Variants in LACTB2 observed in about 807,000 individuals in gnomAD.
The protein encoded by LACTB2 is lactamase beta 2.
Under a neutral mutation model 34.8 loss-of-function variants are expected in LACTB2, and 32 were observed. That is an observed-to-expected ratio of 0.92 (90% confidence interval 0.69 to 1.24). The LOEUF is 1.24. Ranked by LOEUF, LACTB2 falls within the 50% of genes most tolerant of loss-of-function variation. The pLI is 0.00. For synonymous variants in LACTB2, 120 were observed against 117.5 expected (o/e 1.02, Z -0.14); for missense variants, 320 against 345.0 (o/e 0.93, Z 0.57).
intron 2 of LACTB2, among the ~76,000 whole-genome samples, chr8:70,658,870 C>CA (rs1406022006): frequency 1.3e-5 from 2 of 151,936 alleles, no homozygotes; most frequent in African/African-American, 2.4e-5. Context: ...ACTAAACATA[C>CA]AAAAAAATTA....
At chr8:70,666,344 A>G (rs1449445078) in intron 1 of LACTB2, among the ~76,000 whole-genome samples, 3 of 152,220 alleles carry the variant, frequency 2.0e-5, no homozygotes, top group Non-Finnish European at 2.9e-5. Flanking sequence ...CTGATGGGTC[A>G]GGGAAGACTT....
intron 5 of LACTB2, among the ~76,000 whole-genome samples, chr8:70,640,321 C>T (rs1818180332): frequency 1.3e-5 from 2 of 152,298 alleles, no homozygotes; most frequent in African/African-American, 2.4e-5. Flanking sequence ...ATCTAATAAA[C>T]ATTTGCTGAA....
At position 70,644,165 on chromosome 8, in the gene LACTB2, A is replaced by T; in HGVS notation, c.492T>A (p.Asp164Glu). 6.2e-7 allele frequency: 1 copy of T among 1,613,160 alleles called. No individual in the cohort carries two copies. Among genetic ancestry groups the T allele is most frequent in the South Asian group, 1.1e-5 (1 of 90,884 alleles). ...CCGTTGTTCCTTCCCCTAGGATGCA[A>T]TCTCCAGAAAAGATAGCATTTTCCT... ...LEEENAIFSG[D>E]CILGEGTTVF... Residue 164 changes from aspartate (D) to glutamate (E), a missense_variant, in exon 4 of 7, where the codon GAT (aspartate) becomes GAA (glutamate). Physicochemically the swap from Asp to Glu is conservative, Grantham distance 45. Transcript: ENST00000276590.
At position 70,638,413 on chromosome 8, in the gene LACTB2, G is replaced by C. The variant is rs1168942134; in HGVS notation, c.823+135C>G. On this transcript the variant is annotated intron_variant, in intron 6 of 6. Transcript: ENST00000276590. ...TGGCCCTGTGCTACTGACCTTCCTAGCGCCTGTCTCTCCAACTTAAAGTGA... is the reference window on the plus strand; with the variant it reads ...TGGCCCTGTGCTACTGACCTTCCTACCGCCTGTCTCTCCAACTTAAAGTGA... 8 of 959,028 alleles carry C rather than the reference G, an allele frequency of 8.3e-6. No individual in the cohort carries two copies. In the East Asian group the frequency reaches 2.4e-4, roughly 29 times the overall value. The allele number at this position is 959,028 out of a possible 1,614,324, so 59.4% of individuals were successfully genotyped here. A position where few individuals can be genotyped will look rare whatever the true frequency, so the allele number is the denominator to read the frequency against.
At position 70,657,797 on chromosome 8, in the gene LACTB2, C is replaced by A. The variant is rs1264521138; in HGVS notation, c.372G>T (p.Leu124=). The change falls in exon 3 of 7, where the codon CTG becomes CTT. Residue 124 remains leucine, a synonymous_variant. Transcript: ENST00000276590. ...IGNGEQQYVY[L]KDGDVIKTEG... ...CAGTCTTAATCACATCTCCATCTTTCAGATAAACATATTGTTGCTCTCCAT... is the reference window on the plus strand; with the variant it reads ...CAGTCTTAATCACATCTCCATCTTTAAGATAAACATATTGTTGCTCTCCAT... The A allele has an allele frequency of 2.5e-6, 4 of 1,612,966 alleles. No individual in the cohort carries two copies. Among genetic ancestry groups the A allele is most frequent in the Admixed American group, 3.3e-5 (2 of 59,956 alleles).
intron 3 of LACTB2, among the ~76,000 whole-genome samples, chr8:70,648,643 A>C (rs1818296972): frequency 6.6e-6 from 1 of 152,180 alleles, no homozygotes. Flanking sequence ...TAAATGAAAC[A>C]GCACAAAAGA....
chr8:70,644,128 G>A lies in LACTB2; in HGVS notation c.529C>T (p.Leu177Phe). ...LGEGTTVFED[L>F]YDYMNSLKEL... ...TTTAAAGAGTTCATATAATCATAGA[G>A]GTCTTCAAATACCGTTGTTCCTTCC... Residue 177 changes from leucine (L) to phenylalanine (F), a missense_variant, in exon 4 of 7, where the codon CTC becomes TTC. Leu to Phe is a conservative substitution (Grantham distance 22). Transcript: ENST00000276590. 1 of 1,612,256 alleles carries A rather than the reference G, an allele frequency of 6.2e-7. No individual in the cohort carries two copies. The highest frequency in any genetic ancestry group is 8.5e-7 in the Non-Finnish European group (1 of 1,178,902).
chr8:70,668,961 G>A, intron 1 of LACTB2, 38 bp downstream of exon 1: 1 of 1,556,618 alleles, frequency 6.4e-7, no homozygotes, highest in Non-Finnish European at 8.7e-7. Context: ...CTCCGGGGCC[G>A]GCTGCGAACG....
chr8:70,653,276 A>AT (rs1396570771), intron 3 of LACTB2, among the ~76,000 whole-genome samples: 4 of 151,660 alleles, frequency 2.6e-5, no homozygotes, highest in Non-Finnish European at 4.4e-5. Flanking sequence ...ATGCCTGGCT[A>AT]TTTTTTTTGT....
intron 3 of LACTB2, among the ~76,000 whole-genome samples, chr8:70,645,063 TACACAC>T (rs200885166): frequency 6.6e-6 from 1 of 151,908 alleles, no homozygotes; most frequent in African/African-American, 2.4e-5. Flanking sequence ...TATATATATA[TACACAC>T]ACACACACAT....
intron 3 of LACTB2, among the ~76,000 whole-genome samples, chr8:70,646,861 G>A (rs1472795543): frequency 2.0e-5 from 3 of 152,120 alleles, no homozygotes; most frequent in African/African-American, 7.2e-5. Context: ...GTGTTATTCT[G>A]TAGGCTTCAC....
At chr8:70,639,855 G>A (rs905770530) in intron 5 of LACTB2, among the ~76,000 whole-genome samples, 8 of 151,998 alleles carry the variant, frequency 5.3e-5, no homozygotes, top group African/African-American at 9.7e-5. Context: ...CCAGCTACTC[G>A]GGAGGCTGAG....
Position 70,637,767 on chromosome 8 carries a change from T to C in LACTB2, c.*93A>G, listed in dbSNP as rs1296598343. 2 of 686,588 alleles carry C rather than the reference T, an allele frequency of 2.9e-6. No individual in the cohort carries two copies. Among genetic ancestry groups the C allele is most frequent in the African/African-American group, 3.7e-5 (2 of 53,396 alleles). 42.5% of individuals were successfully genotyped at this position (686,588 alleles called of 1,614,324 possible). A position where few individuals can be genotyped will look rare whatever the true frequency, so the allele number is the denominator to read the frequency against. On this transcript the variant is annotated 3_prime_UTR_variant, in exon 7 of 7. Transcript: ENST00000276590. ...ATATCTAGGGTTATTTTTAATGTTT[T>C]ATACTTTTATATTCTCTATAAAATA...
rs1368286716 is a variant in LACTB2, at chr8:70,652,326, T to C, written c.413+5430A>G. ...TTAACAAAGGTTTTGCTTAAAATAT[T>C]ACATGTTAATATTGAAAACAGTTGG... On this transcript the variant is annotated intron_variant, in intron 3 of 6. Transcript: ENST00000276590. Among the ~76,000 whole-genome samples the C allele has an allele frequency of 3.9e-5, 6 of 152,344 alleles. No individual in the cohort carries two copies. In the South Asian group the frequency reaches 1.2e-3, roughly 32 times the overall value.
intron 5 of LACTB2, among the ~76,000 whole-genome samples, chr8:70,639,442 G>A (rs960902640): frequency 1.1e-4 from 17 of 152,106 alleles, no homozygotes; most frequent in African/African-American, 2.9e-4. Flanking sequence ...TTACAGGCGT[G>A]AGCCACCATG....
intron 3 of LACTB2, 31 bp from the exon 4 acceptor site, chr8:70,644,274 C>T: frequency 7.0e-7 from 1 of 1,418,624 alleles, no homozygotes; most frequent in African/African-American, 1.4e-5. Context: ...GGAATAATAA[C>T]AATTATGAAC....
intron 1 of LACTB2, 86 bp from the exon 2 acceptor site, chr8:70,661,983 G>T (rs1468049863): frequency 2.6e-6 from 3 of 1,159,020 alleles, no homozygotes; most frequent in African/African-American, 3.1e-5. Context: ...TTACATTAAA[G>T]AAACTGCAAA....
chr8:70,656,112 A>AT (rs1390339815), intron 3 of LACTB2, among the ~76,000 whole-genome samples: 1 of 151,610 alleles, frequency 6.6e-6, no homozygotes, highest in Non-Finnish European at 1.5e-5. Context: ...GATTATGAAG[A>AT]TTTTCTCCCA....
chr8:70,639,705 G>GAC (rs1818171434), intron 5 of LACTB2, among the ~76,000 whole-genome samples: 1 of 151,808 alleles, frequency 6.6e-6, no homozygotes, highest in Non-Finnish European at 1.5e-5. Flanking sequence ...ACTCATGCCT[G>GAC]TAATCCCAGC....
Sources: gnomAD v4.1 joint callset for allele counts (sites outside exome capture counted in the v4.1 genomes callset) on GRCh38, gnomAD v4.1.1 for gene constraint, MANE v1.5 for transcripts, NCBI Gene and HGNC (gene_info 2026-07-23, HGNC 2026-07-21) for gene names.